Variants in ZNF454 observed in about 807,000 individuals in gnomAD.
ZNF454 encodes the protein zinc finger protein 454.
Under a neutral mutation model 48.2 loss-of-function variants are expected in ZNF454, and 30 were observed. The observed-to-expected ratio is 0.62, with a 90% CI of 0.47 to 0.84. The LOEUF (loss-of-function observed/expected upper bound fraction) is 0.84. ZNF454 is among the 40% of genes least tolerant of loss of function. The pLI is 0.00. For missense variants in ZNF454, 510 were observed against 623.1 expected, an observed-to-expected ratio of 0.82 and a Z score of 1.93; for synonymous variants, 204 against 211.4, an observed-to-expected ratio of 0.97 and a Z score of 0.30.
intron 4 of ZNF454, among the ~76,000 whole-genome samples, chr5:178,949,295 G>A (rs1285697907): frequency 3.3e-5 from 5 of 151,192 alleles, no homozygotes; most frequent in African/African-American, 4.9e-5. Flanking sequence ...CTGGTGATCC[G>A]CCCCCCTCAG....
At chr5:178,952,062 G>T (rs1323938295) in intron 4 of ZNF454, among the ~76,000 whole-genome samples, 2 of 149,570 alleles carry the variant, frequency 1.3e-5, no homozygotes, top group African/African-American at 4.9e-5. Context: ...TTTTGAGACG[G>T]AGTCTCGTTC....
intron 4 of ZNF454, among the ~76,000 whole-genome samples, chr5:178,960,867 A>G (rs1759986917): frequency 6.7e-6 from 1 of 149,660 alleles, no homozygotes; most frequent in East Asian, 2.1e-4. Context: ...TTCAGTGTCT[A>G]TATTTTTGGT....
chr5:178,983,116 A>C, the ZNF454 span: 17 of 1,613,934 alleles, frequency 1.1e-5, no homozygotes, highest in Non-Finnish European at 5.1e-6. Flanking sequence ...GACATGTCGC[A>C]CTTGAGCACC....
intron 4 of ZNF454, among the ~76,000 whole-genome samples, chr5:178,957,917 T>G (rs1759842886): frequency 6.6e-6 from 1 of 152,196 alleles, no homozygotes; most frequent in African/African-American, 2.4e-5. Context: ...GTCAAATAAT[T>G]ACCCTCAAAA....
the ZNF454 span, among the ~76,000 whole-genome samples, chr5:178,973,137 C>G: frequency 6.7e-6 from 1 of 150,062 alleles, no homozygotes; most frequent in African/African-American, 2.5e-5. Flanking sequence ...CTCTGTCCCT[C>G]TCTCTCTCTC....
chr5:178,986,138 A>G, the ZNF454 span: 12 of 1,613,226 alleles, frequency 7.4e-6, no homozygotes, highest in Non-Finnish European at 1.0e-5. Flanking sequence ...ACCTGCAGGG[A>G]GGTGAGGCTG....
rs767993230 is a variant in ZNF454 at position 178,942,722 on chromosome 5, G to C, written c.-70G>C. 7.0e-6 allele frequency: 11 copies of C among 1,576,170 alleles called. No individual in the cohort carries two copies. Among genetic ancestry groups the C allele is most frequent in the African/African-American group, 5.4e-5 (4 of 74,256 alleles). ...CCCTTCTAGCCTGAGGAGTCCTGCAGGTGTGAAGCTCCACACCTGCCTCCA... is the reference window on the plus strand; with the variant it reads ...CCCTTCTAGCCTGAGGAGTCCTGCACGTGTGAAGCTCCACACCTGCCTCCA... On this transcript the variant is annotated 5_prime_UTR_variant, in exon 2 of 5. Transcript: ENST00000519564.
Position 178,964,730 on chromosome 5 carries a change from C to A in ZNF454, c.326C>A (p.Thr109Lys). 1 of 1,614,112 alleles carries A rather than the reference C, an allele frequency of 6.2e-7. No individual in the cohort carries two copies. The highest frequency in any genetic ancestry group is 1.3e-5 in the African/African-American group (1 of 75,020). Residue 109 changes from threonine to lysine, a missense_variant, in exon 5 of 5, where the codon ACA becomes AAA. Physicochemically the swap from Thr to Lys is moderately conservative, Grantham distance 78 (BLOSUM62 -1). This residue lies in a region of ZNF454 where 354 missense variants were observed against 408.9 expected (regional missense o/e 0.87). Transcript: ENST00000519564. ...EIPEEELDQW[T>K]IKERFSSSSH... ...CCTGAAGAAGAATTGGATCAATGGA[C>A]AATAAAGGAAAGATTCAGTAGCAGT... is the stretch of plus-strand genomic sequence containing the variant.
the ZNF454 span, chr5:178,983,000 G>A: frequency 6.2e-7 from 1 of 1,614,104 alleles, no homozygotes; most frequent in Non-Finnish European, 8.5e-7. Flanking sequence ...CGATGGGCTT[G>A]GCCTCGTTGA....
downstream of ZNF454, among the ~76,000 whole-genome samples, chr5:178,970,064 G>A (rs965969997): frequency 1.3e-5 from 2 of 152,180 alleles, no homozygotes; most frequent in African/African-American, 4.8e-5. Context: ...AACAGCATTT[G>A]TCCCTGCAGC....
chr5:178,982,904 C>G, the ZNF454 span: 1 of 1,609,648 alleles, frequency 6.2e-7, no homozygotes, highest in Non-Finnish European at 8.5e-7. Context: ...CTGGGGACCT[C>G]ATTACCTTTT....
chr5:178,983,570 A>G, the ZNF454 span: 1 of 454,088 alleles, frequency 2.2e-6, no homozygotes, highest in Non-Finnish European at 4.4e-6. Context: ...GCGCCCCTTC[A>G]AGGTAGATGG....
chr5:178,981,694 G>C, the ZNF454 span: 1 of 1,613,830 alleles, frequency 6.2e-7, no homozygotes, highest in African/African-American at 1.3e-5. The surrounding 1 kb of genome is among the most constrained non-coding windows in gnomAD (Gnocchi z 5.1). Flanking sequence ...CTTGGGTGGG[G>C]CTGCCACCGT....
intron 2 of ZNF454, among the ~76,000 whole-genome samples, chr5:178,943,044 G>C (rs532635338): frequency 6.6e-6 from 1 of 152,324 alleles, no homozygotes; most frequent in Non-Finnish European, 1.5e-5. Context: ...AAATGTCACA[G>C]CTGGGACTGG....
Position 178,946,465 on chromosome 5 carries a change from A to G in ZNF454, c.140A>G (p.Tyr47Cys). Residue 47 changes from tyrosine (Y) to cysteine (C), a missense_variant, in exon 3 of 5, where the codon TAC becomes TGC. This residue lies in a region of ZNF454 where 354 missense variants were observed against 408.9 expected (regional missense o/e 0.87). Coordinates refer to ENST00000519564, the MANE Select transcript of ZNF454 (RefSeq NM_001178089.3). The surrounding 1 kb of genome is among the most constrained non-coding windows in gnomAD (Gnocchi z 4.5). The stretch of plus-strand genomic sequence containing the variant: ...TACAGGGACGTGATGCTGGAGAACT[A>G]CAGCAACCTGGTCTCACTGGGTAAG... Reference protein sequence around the residue: ...ALYRDVMLENYSNLVSLGLLG... With the variant: ...ALYRDVMLENCSNLVSLGLLG... 4 of 1,601,750 alleles carry G rather than the reference A, an allele frequency of 2.5e-6. No individual in the cohort carries two copies. Among genetic ancestry groups the G allele is most frequent in the Non-Finnish European group, 2.5e-6 (3 of 1,176,896 alleles).
At chr5:178,982,576 C>CAAAAAAAAAAAA in the ZNF454 span, among the ~76,000 whole-genome samples, 2 of 20,168 alleles carry the variant, frequency 9.9e-5, no homozygotes, top group Non-Finnish European at 1.5e-4. Context: ...GACTCTGTCT[C>CAAAAAAAAAAAA]AAAAAAAAAA....
chr5:178,985,608 CAGG>C, the ZNF454 span: 2 of 352,166 alleles, frequency 5.7e-6, no homozygotes, highest in Admixed American at 7.8e-5. Flanking sequence ...GAGGCTGAGG[CAGG>C]AGAATGGCGT....
chr5:178,961,051 C>T (rs867091662), intron 4 of ZNF454, among the ~76,000 whole-genome samples: 6 of 151,366 alleles, frequency 4.0e-5, no homozygotes, highest in Non-Finnish European at 5.9e-5. Context: ...CTGACTCAGC[C>T]TCCCAAGTAG....
chr5:178,985,669 C>G, the ZNF454 span: 1,359 of 401,582 alleles, frequency 3.4e-3, 7 homozygotes, highest in Non-Finnish European at 4.6e-3. Context: ...TGCCACTGCA[C>G]TCCAGCCTGG....
Sources: allele counts gnomAD v4.1 joint callset (sites outside exome capture counted in the v4.1 genomes callset), GRCh38; gene constraint gnomAD v4.1.1; regional missense constraint gnomAD v4.1.1; non-coding constraint Gnocchi (gnomAD v3.1); transcripts MANE v1.5; gene names NCBI Gene and HGNC (gene_info 2026-07-23, HGNC 2026-07-21).